The following CLCNKA variants were observed in gnomAD, a reference collection of about 807,000 sequenced individuals.
CLCNKA encodes chloride channel protein ClC-Ka.
A neutral mutation model predicts 83.3 loss-of-function variants in CLCNKA; 66 were observed. That is an observed-to-expected ratio of 0.79 (90% CI 0.65 to 0.97). The LOEUF (loss-of-function observed/expected upper bound fraction) is 0.97, where lower values mean the gene tolerates loss of function less well. Ranked by LOEUF, CLCNKA falls within the 50% of genes least tolerant of loss-of-function variation. The pLI, the probability that CLCNKA is intolerant of heterozygous loss-of-function variation, is 0.00. For missense variants in CLCNKA, 806 were observed against 888.7 expected (o/e 0.91, Z 1.18); for synonymous variants, 357 against 370.4 (o/e 0.96, Z 0.42).
At chr1:16,029,899 C>T (rs1384848308) in intron 13 of CLCNKA, 66 bp from the exon 14 acceptor site, 2 of 1,600,558 alleles carry the variant, frequency 1.2e-6, no homozygotes, top group Non-Finnish European at 1.7e-6. Flanking sequence ...AAGGATGGTC[C>T]TCAGGGATGG....
chr1:16,027,149 C>T (rs1313169058), intron 7 of CLCNKA, among the ~76,000 whole-genome samples, 161 bp from the exon 8 acceptor site: 1 of 152,184 alleles, frequency 6.6e-6, no homozygotes, highest in African/African-American at 2.4e-5. Context: ...GGGGTCCTCC[C>T]CGCCCAGGGC....
intron 2 of CLCNKA, 71 bp from the exon 3 acceptor site, chr1:16,023,729 A>C: frequency 6.3e-7 from 1 of 1,589,352 alleles, no homozygotes; most frequent in Non-Finnish European, 8.6e-7. Context: ...GGAGCCAAGC[A>C]GACCTCCAGG....
Position 16,027,532 on chromosome 1 carries a change from C to T in CLCNKA, c.781+97C>T, listed in dbSNP as rs2022418274. 5 of 1,554,016 alleles carry T rather than the reference C, an allele frequency of 3.2e-6. No individual in the cohort carries two copies. The East Asian group carries it at 6.7e-5, about 21-fold the overall frequency. On this transcript the variant is annotated intron_variant, in intron 8 of 19. Coordinates refer to ENST00000331433, the MANE Select transcript of CLCNKA (RefSeq NM_004070.4). ...GTGTACATCTCTTGCTCTTCCCTTC[C>T]CTCTCTCTCCCTCTTTTCCCTCCTC...
intron 16 of CLCNKA, 49 bp from the exon 17 acceptor site, chr1:16,032,154 C>A (rs2022648937): frequency 1.3e-6 from 2 of 1,550,476 alleles, no homozygotes; most frequent in African/African-American, 2.7e-5. Flanking sequence ...GGCCCTCAGG[C>A]CTGTTTCTTC....
At chr1:16,022,589 C>T (rs758011878) in intron 1 of CLCNKA, 24 bp from the exon 2 acceptor site, 147 of 1,524,990 alleles carry the variant, frequency 9.6e-5, no homozygotes, top group Non-Finnish European at 1.2e-4. Flanking sequence ...TCACCCGGGT[C>T]CTTCCCTCCA....
chr1:16,032,579 C>G, intron 18 of CLCNKA, 53 bp downstream of exon 18: 14 of 1,363,966 alleles, frequency 1.0e-5, no homozygotes, highest in Non-Finnish European at 1.4e-5. Context: ...AGGGCAAGAG[C>G]TGATGAGGAG....
Position 16,029,304 on chromosome 1 carries a change from G to T in CLCNKA, c.1227+5G>T, listed in dbSNP as rs756393113. On this transcript the variant is annotated splice_donor_5th_base_variant and intron_variant, in intron 12 of 19. Transcript: ENST00000331433. ...GCCTTCTTCCTGGTTATGAAGGTGG[G>T]CCCCCTGACCCCCAGGTGTGCACAG... 1.2e-6 allele frequency: 2 copies of T among 1,613,700 alleles called. No homozygotes were observed. The highest frequency in any genetic ancestry group is 8.5e-7 in the Non-Finnish European group (1 of 1,179,974).
At chr1:16,027,663 G>T (rs748913293) in intron 8 of CLCNKA, among the ~76,000 whole-genome samples, 158 bp from the exon 9 acceptor site, 2 of 152,174 alleles carry the variant, frequency 1.3e-5, no homozygotes, top group Non-Finnish European at 2.9e-5. Context: ...ATGAGGCTGG[G>T]CAGGGAGGCA....
chr1:16,028,059 A>G lies in CLCNKA; in HGVS notation c.908A>G (p.Gln303Arg), dbSNP rs1266074959. The change falls in exon 10 of 20, where the codon CAG becomes CGG. Residue 303 changes from glutamine to arginine, a missense_variant. Coordinates refer to ENST00000331433, the MANE Select transcript of CLCNKA (RefSeq NM_004070.4). ...CTGAGCTGTGCTTACCTCTTCTGTC[A>G]GCGAACCTTCCTCAGCTTCATCAAG... Reference protein sequence around the residue: ...GVLSCAYLFCQRTFLSFIKTN... With the variant: ...GVLSCAYLFCRRTFLSFIKTN... 2 of 1,591,540 alleles carry G rather than the reference A, an allele frequency of 1.3e-6. No homozygotes were observed. The highest frequency in any genetic ancestry group is 2.2e-5 in the East Asian group (1 of 44,740).
At chr1:16,024,483 G>A (rs1261938527) in intron 3 of CLCNKA, among the ~76,000 whole-genome samples, 1 of 152,260 alleles carries the variant, frequency 6.6e-6, no homozygotes. Flanking sequence ...CAATGAGCCT[G>A]TGAGGAAGAG....
In CLCNKA at chr1:16,025,295, C is replaced by T. The variant is rs545794039; in HGVS notation, c.358+404C>T. On this transcript the variant is annotated intron_variant, in intron 4 of 19. Coordinates refer to ENST00000331433, the MANE Select transcript of CLCNKA (RefSeq NM_004070.4). ...CATCTGCCAGTCCCAGTGGGAGGAA[C>T]GTGGACAACTCGCATTCCTCTCTGA... Among the ~76,000 whole-genome samples the T allele has an allele frequency of 1.1e-4, 17 of 152,318 alleles. No homozygotes were observed. In the South Asian group the frequency reaches 1.4e-3, roughly 13 times the overall value.
chr1:16,030,158 C>T (rs1383803812), intron 14 of CLCNKA, 83 bp downstream of exon 14: 3 of 1,043,272 alleles, frequency 2.9e-6, no homozygotes, highest in South Asian at 2.8e-5. Flanking sequence ...TTCCCCAGGG[C>T]ACGGAGCAGT....
chr1:16,026,797 G>A, intron 7 of CLCNKA, 22 bp downstream of exon 7: 1 of 1,604,182 alleles, frequency 6.2e-7, no homozygotes, highest in Non-Finnish European at 8.5e-7. Context: ...CTCATGCCCC[G>A]CCCCCTGGGT....
chr1:16,032,394 G>C, intron 17 of CLCNKA, 49 bp from the exon 18 acceptor site: 1 of 1,564,382 alleles, frequency 6.4e-7, no homozygotes, highest in Non-Finnish European at 8.8e-7. Flanking sequence ...TCTGAGAGAG[G>C]CATCCTGGGG....
rs373733131 is a variant in CLCNKA, at chr1:16,030,506, C to T, written c.1454C>T (p.Ala485Val). The change falls in exon 15 of 20, where the codon GCG becomes GTG. Residue 485 changes from alanine to valine, a missense_variant. Ala to Val is a moderately conservative substitution (Grantham distance 64, BLOSUM62 0). Transcript: ENST00000331433. ...SGAVTHTIST[A>V]LLAFELTGQI... Reference sequence around the variant, plus strand: ...GCTGTGACCCACACCATCTCCACGGCGCTGCTGGCCTTTGAGCTGACCGGC... The same window carrying T: ...GCTGTGACCCACACCATCTCCACGGTGCTGCTGGCCTTTGAGCTGACCGGC... 384 of 1,612,944 alleles carry T rather than the reference C, an allele frequency of 2.4e-4. No homozygotes were observed. Among genetic ancestry groups the T allele is most frequent in the Admixed American group, 4.5e-4 (27 of 60,004 alleles).
At chr1:16,023,577 G>GTTC (rs1199354159) in intron 2 of CLCNKA, among the ~76,000 whole-genome samples, 2 of 152,196 alleles carry the variant, frequency 1.3e-5, no homozygotes, top group Non-Finnish European at 2.9e-5. Context: ...GTGGCCTGAG[G>GTTC]TTCTGTTCAG....
In CLCNKA at chr1:16,028,798, G is replaced by T. The variant is rs369364364; in HGVS notation, c.1006G>T (p.Ala336Ser). The stretch of plus-strand genomic sequence containing the variant: ...CTCCGCTCTGGCCACCTTGCTTCTC[G>T]CCTCCATCACCTACCCGCCTGGTGT... Reference protein sequence around the residue: ...VYSALATLLLASITYPPGVGH... With the variant: ...VYSALATLLLSSITYPPGVGH... The change falls in exon 11 of 20, where the codon GCC (alanine) becomes TCC (serine). Residue 336 changes from alanine to serine, a missense_variant. Ala to Ser is a moderately conservative substitution (Grantham distance 99, BLOSUM62 1). Coordinates refer to ENST00000331433, the MANE Select transcript of CLCNKA (RefSeq NM_004070.4). 1 of 1,613,978 alleles carries T rather than the reference G, an allele frequency of 6.2e-7. No homozygotes were observed. Among genetic ancestry groups the T allele is most frequent in the Non-Finnish European group, 8.5e-7 (1 of 1,180,034 alleles).
chr1:16,032,485 C>A lies in CLCNKA; in HGVS notation c.1888C>A (p.Pro630Thr). 6.2e-7 allele frequency: 1 copy of A among 1,613,350 alleles called. No individual in the cohort carries two copies. Among genetic ancestry groups the A allele is most frequent in the Non-Finnish European group, 8.5e-7 (1 of 1,179,960 alleles). The change falls in exon 18 of 20, where the codon CCA becomes ACA. Residue 630 changes from proline to threonine, a missense_variant. Pro to Thr is a conservative substitution (Grantham distance 38, BLOSUM62 -1). Coordinates refer to ENST00000331433, the MANE Select transcript of CLCNKA (RefSeq NM_004070.4). ...DILARGCPTE[P>T]VTLTLFSETT... ...CTTGGCCAGGGGCTGCCCCACGGAA[C>A]CAGTGACCCTGACGCTATTCTCAGA...
At position 16,022,700 on chromosome 1, in the gene CLCNKA, C is replaced by T; in HGVS notation, c.81C>T (p.His27=). 1 of 1,544,696 alleles carries T rather than the reference C, an allele frequency of 6.5e-7. No individual in the cohort carries two copies. The part of the protein sequence containing the change: ...TLQELWGPCP[H]IRRAIQGGLE... ...AGGAGCTGTGGGGCCCCTGTCCCCA[C>T]ATCCGCCGAGCCATCCAAGGTGAGA... Residue 27 remains histidine, a synonymous_variant, in exon 2 of 20, where the codon CAC becomes CAT. Coordinates refer to ENST00000331433, the MANE Select transcript of CLCNKA (RefSeq NM_004070.4).
Sources: allele counts gnomAD v4.1 joint callset (sites outside exome capture counted in the v4.1 genomes callset), GRCh38; gene constraint gnomAD v4.1.1; transcripts MANE v1.5; gene names NCBI Gene and HGNC (gene_info 2026-07-23, HGNC 2026-07-21).